Variants in SUPT3H observed in about 807,000 individuals in gnomAD.
SUPT3H encodes transcription initiation protein SPT3 homolog.
Under a neutral mutation model 44.3 loss-of-function variants are expected in SUPT3H, and 44 were observed. The ratio of observed to expected loss-of-function variants is 0.99; its 90% CI spans 0.78 to 1.28. SUPT3H has a LOEUF of 1.28. Among genes scored for constraint, SUPT3H ranks in the 50% most tolerant of loss-of-function variants. The pLI is 0.00. For synonymous variants in SUPT3H, 124 were observed against 125.6 expected (o/e 0.99, Z 0.09); for missense variants, 380 against 387.1 (o/e 0.98, Z 0.15).
chr6:45,316,283 T>C (rs1784690119), intron 2 of SUPT3H, among the ~76,000 whole-genome samples: 1 of 151,962 alleles, frequency 6.6e-6, no homozygotes, highest in Non-Finnish European at 1.5e-5. Context: ...AAGAACTTAC[T>C]CATGTAACCA....
At chr6:44,977,608 C>G (rs1778518046) in intron 6 of SUPT3H, among the ~76,000 whole-genome samples, 1 of 152,040 alleles carries the variant, frequency 6.6e-6, no homozygotes, top group Non-Finnish European at 1.5e-5. Context: ...TTGTTTAGTA[C>G]TTGGATGAGA....
intron 6 of SUPT3H, among the ~76,000 whole-genome samples, chr6:44,974,937 G>A (rs916642120): frequency 2.0e-5 from 3 of 152,098 alleles, no homozygotes; most frequent in Admixed American, 6.5e-5. Flanking sequence ...TTGGGAGGCC[G>A]AGGCAGGTGG....
rs138095293 is a variant in SUPT3H, at chr6:44,953,333, T to C, written c.778A>G (p.Ile260Val). ...ACCTCAGCAGAGTTGTGATACTGAA[T>C]GAAGGTTGCAGAAATGGCATGGCTG... ...PFSHAISATFIQYHNSAESTA... is the reference protein window; with the variant it reads ...PFSHAISATFVQYHNSAESTA... Residue 260 changes from isoleucine (I) to valine (V), a missense_variant, in exon 9 of 11, where the codon ATT becomes GTT. By Grantham distance (29) the Ile-to-Val change is conservative. Coordinates refer to ENST00000371459, the MANE Select transcript of SUPT3H (RefSeq NM_003599.4). 6.2e-7 allele frequency: 1 copy of C among 1,614,096 alleles called. No homozygotes were observed. The highest frequency in any genetic ancestry group is 2.2e-5 in the East Asian group (1 of 44,870).
chr6:45,146,517 A>T (rs1489442881), intron 2 of SUPT3H, among the ~76,000 whole-genome samples: 1 of 152,102 alleles, frequency 6.6e-6, no homozygotes, highest in Non-Finnish European at 1.5e-5. Context: ...GAATCTCAGA[A>T]ATCACCACTA....
At chr6:45,043,320 T>G (rs529343160) in intron 3 of SUPT3H, among the ~76,000 whole-genome samples, 1 of 152,310 alleles carries the variant, frequency 6.6e-6, no homozygotes, top group Admixed American at 6.5e-5. Flanking sequence ...TCTTATTTAT[T>G]TTTCCAACCT....
At chr6:45,050,655 GAC>G (rs2153535754) in intron 3 of SUPT3H, among the ~76,000 whole-genome samples, 1 of 152,238 alleles carries the variant, frequency 6.6e-6, no homozygotes, top group South Asian at 2.1e-4. Context: ...CCTCACGGAA[GAC>G]AGTTTTCTGA....
At chr6:45,322,974 G>A in intron 2 of SUPT3H, 3 of 1,590,902 alleles carry the variant, frequency 1.9e-6, no homozygotes, top group Non-Finnish European at 1.7e-6. Flanking sequence ...GTTTCTAAAG[G>A]AGAAAAAACT....
intron 3 of SUPT3H, among the ~76,000 whole-genome samples, chr6:45,029,207 G>A (rs1439343925): frequency 1.3e-5 from 2 of 151,662 alleles, no homozygotes; most frequent in Non-Finnish European, 1.5e-5. Flanking sequence ...CATTTTAACT[G>A]TTCTTTTTAG....
In SUPT3H at chr6:44,862,435, C is replaced by T. The variant is rs1035568949; in HGVS notation, c.913-32578G>A. On this transcript the variant is annotated intron_variant, in intron 10 of 10. Coordinates refer to ENST00000371459, the MANE Select transcript of SUPT3H (RefSeq NM_003599.4). ...CACACACCTGTAATTCCAGCATTTTCGGAGGCCGAGGTGAGCGGATCACCT... is the reference window on the plus strand; with the variant it reads ...CACACACCTGTAATTCCAGCATTTTTGGAGGCCGAGGTGAGCGGATCACCT... Among the ~76,000 whole-genome samples the T allele has an allele frequency of 2.0e-5, 3 of 151,904 alleles. 1 individual carries two copies. The highest frequency in any genetic ancestry group is 2.9e-5 in the Non-Finnish European group (2 of 67,980).
chr6:45,120,447 T>C (rs937825785), intron 2 of SUPT3H, among the ~76,000 whole-genome samples: 3 of 83,924 alleles, frequency 3.6e-5, no homozygotes, highest in East Asian at 3.1e-4. Context: ...AAAAAGACTA[T>C]ATAAGCATAT....
intron 10 of SUPT3H, among the ~76,000 whole-genome samples, chr6:44,847,095 TG>T (rs1469967925): frequency 2.0e-5 from 3 of 152,360 alleles, no homozygotes; most frequent in African/African-American, 7.2e-5. Context: ...ATTGAATCCT[TG>T]GGCACAAATC....
At chr6:44,847,865 T>C (rs950613711) in intron 10 of SUPT3H, among the ~76,000 whole-genome samples, 10 of 152,008 alleles carry the variant, frequency 6.6e-5, no homozygotes, top group Non-Finnish European at 1.5e-4. Context: ...TAAGCTACTA[T>C]AGACTATTGT....
intron 2 of SUPT3H, among the ~76,000 whole-genome samples, chr6:45,122,185 C>G (rs1053761450): frequency 2.6e-5 from 4 of 152,020 alleles, no homozygotes; most frequent in Non-Finnish European, 5.9e-5. Context: ...CTAGAGCCTA[C>G]AATAATCTAT....
At chr6:45,098,557 A>T in intron 3 of SUPT3H, 1 of 289,934 alleles carries the variant, frequency 3.4e-6, no homozygotes, top group Non-Finnish European at 6.8e-6. Flanking sequence ...GGAGAGGAAC[A>T]TCCATGCAGA....
At chr6:44,971,673 C>T (rs1418468707) in intron 6 of SUPT3H, among the ~76,000 whole-genome samples, 9 of 152,330 alleles carry the variant, frequency 5.9e-5, no homozygotes, top group South Asian at 2.1e-4. Flanking sequence ...AGTGGGGACA[C>T]AGCCAAACCA....
intron 2 of SUPT3H, among the ~76,000 whole-genome samples, chr6:45,248,872 G>A (rs1311381047): frequency 1.4e-5 from 2 of 147,386 alleles, no homozygotes; most frequent in East Asian, 2.0e-4. Flanking sequence ...CTGAAATCAC[G>A]CCACTGCACT....
chr6:44,870,862 TTTC>T (rs1776312186), intron 10 of SUPT3H, among the ~76,000 whole-genome samples: 1 of 151,730 alleles, frequency 6.6e-6, no homozygotes, highest in African/African-American at 2.4e-5. Flanking sequence ...GGGAGTTCCC[TTTC>T]CGAGTCAAAG....
intron 3 of SUPT3H, among the ~76,000 whole-genome samples, chr6:45,029,023 A>C (rs1328901030): frequency 6.6e-6 from 1 of 151,792 alleles, no homozygotes; most frequent in Non-Finnish European, 1.5e-5. Context: ...AAGGAAATGT[A>C]TTTGTAACTA....
intron 11 of SUPT3H, among the ~76,000 whole-genome samples, chr6:44,815,612 TAATC>T (rs902026075): frequency 1.3e-5 from 2 of 152,114 alleles, no homozygotes; most frequent in African/African-American, 4.8e-5. Flanking sequence ...AGGGGACAAT[TAATC>T]AAGAAGACAT....
Sources: gnomAD v4.1 joint callset for allele counts (sites outside exome capture counted in the v4.1 genomes callset) on GRCh38, gnomAD v4.1.1 for gene constraint, MANE v1.5 for transcripts, NCBI Gene and HGNC (gene_info 2026-07-23, HGNC 2026-07-21) for gene names.